ASTN1: variants seen among roughly 807,000 people sequenced by gnomAD.
ASTN1 encodes the protein astrotactin 1.
Under a neutral mutation model 140.7 loss-of-function variants are expected in ASTN1, and 41 were observed. The ratio of observed to expected loss-of-function variants is 0.29; its 90% CI spans 0.23 to 0.38. The LOEUF (loss-of-function observed/expected upper bound fraction) is 0.38. ASTN1 is among the 10% of genes least tolerant of loss of function. ASTN1 has a pLI of 1.00. For missense variants in ASTN1, 1,479 were observed against 1,678.8 expected (o/e 0.88, Z 2.08); for synonymous variants, 640 against 652.2 (o/e 0.98, Z 0.29).
At chr1:177,154,869 G>A (rs1444907724) in intron 1 of ASTN1, among the ~76,000 whole-genome samples, 3 of 151,988 alleles carry the variant, frequency 2.0e-5, no homozygotes. Context: ...ATCTCTGCAT[G>A]AGATTACAAA....
intron 1 of ASTN1, among the ~76,000 whole-genome samples, chr1:177,138,414 C>T (rs1037437939): frequency 3.4e-4 from 52 of 152,330 alleles, no homozygotes; most frequent in African/African-American, 1.1e-3. Flanking sequence ...TTAATTACAT[C>T]GGATACTTCC....
At chr1:176,951,693 GC>G (rs1250615190) in intron 11 of ASTN1, among the ~76,000 whole-genome samples, 1 of 152,144 alleles carries the variant, frequency 6.6e-6, no homozygotes, top group Non-Finnish European at 1.5e-5. Flanking sequence ...ATCTTGCCTG[GC>G]TTTAACGTCT....
At chr1:177,153,596 A>T (rs746248072) in intron 1 of ASTN1, among the ~76,000 whole-genome samples, 1 of 152,212 alleles carries the variant, frequency 6.6e-6, no homozygotes, top group African/African-American at 2.4e-5. Context: ...CAGGAAAAAA[A>T]TGATGAATAC....
intron 14 of ASTN1, among the ~76,000 whole-genome samples, chr1:176,936,799 T>C (rs1458834928): frequency 1.3e-5 from 2 of 152,202 alleles, no homozygotes; most frequent in Non-Finnish European, 2.9e-5. Context: ...ATTTTGTCTG[T>C]AAAGCGAGAG....
chr1:177,154,145 T>A (rs982236059), intron 1 of ASTN1, among the ~76,000 whole-genome samples: 4 of 151,946 alleles, frequency 2.6e-5, no homozygotes, highest in African/African-American at 9.7e-5. Context: ...ATAACTGGAG[T>A]ATTATTTGTA....
At chr1:176,949,164 C>G in intron 12 of ASTN1, 21 bp downstream of exon 12, 1 of 1,612,812 alleles carries the variant, frequency 6.2e-7, no homozygotes, top group Non-Finnish European at 8.5e-7. Context: ...GCCAGGTGGC[C>G]TCGCTGGCAG....
intron 1 of ASTN1, among the ~76,000 whole-genome samples, chr1:177,120,182 T>C (rs1356068593): frequency 6.6e-6 from 1 of 152,178 alleles, no homozygotes; most frequent in Non-Finnish European, 1.5e-5. Flanking sequence ...AGAAATAAGT[T>C]TGTTTGATTG....
At chr1:177,000,470 T>C (rs1461239575) in intron 8 of ASTN1, among the ~76,000 whole-genome samples, 1 of 152,108 alleles carries the variant, frequency 6.6e-6, no homozygotes, top group Admixed American at 6.6e-5. Flanking sequence ...CAAGCTCTAT[T>C]TAGAAGAGAA....
intron 12 of ASTN1, 135 bp from the exon 13 acceptor site, chr1:176,946,255 C>G: frequency 2.3e-6 from 2 of 885,628 alleles, no homozygotes; most frequent in Non-Finnish European, 3.2e-6. Context: ...AAGTTATATT[C>G]CAATTTGATT....
chr1:176,953,543 C>T (rs1672280561), intron 11 of ASTN1, among the ~76,000 whole-genome samples: 1 of 152,190 alleles, frequency 6.6e-6, no homozygotes, highest in Non-Finnish European at 1.5e-5. Flanking sequence ...ATTTATATTT[C>T]AGCAGTGATA....
chr1:176,962,635 G>A (rs970424605), intron 9 of ASTN1, among the ~76,000 whole-genome samples: 9 of 152,114 alleles, frequency 5.9e-5, no homozygotes, highest in African/African-American at 1.4e-4. Flanking sequence ...AAGTCATTGC[G>A]GATTGGTACA....
chr1:177,040,504 C>T (rs926679899), intron 2 of ASTN1, among the ~76,000 whole-genome samples: 3 of 152,290 alleles, frequency 2.0e-5, no homozygotes, highest in South Asian at 4.2e-4. Context: ...ATTCCCCCAA[C>T]TCTGTCTCAA....
Position 177,014,851 on chromosome 1 carries a change from T to A in ASTN1, c.1463A>T (p.Tyr488Phe). Residue 488 changes from tyrosine (Y) to phenylalanine (F), a missense_variant, in exon 8 of 23, where the codon TAC (tyrosine) becomes TTC (phenylalanine). This residue lies in a region of ASTN1 where 729 missense variants were observed against 860.4 expected (regional missense o/e 0.85). Coordinates refer to ENST00000361833, the MANE Select transcript of ASTN1 (RefSeq NM_004319.3). ...ETGECLCYEG[Y>F]MKDPVHKHLC... ...GTGCTTATGTACTGGATCCTTCATG[T>A]AGCCTTCATAGCAGAGGCATTCCCC... is the stretch of plus-strand genomic sequence containing the variant. The A allele has an allele frequency of 1.9e-6, 3 of 1,613,744 alleles. No individual in the cohort carries two copies. The highest frequency in any genetic ancestry group is 1.3e-5 in the African/African-American group (1 of 75,028).
At chr1:177,062,893 C>G (rs777791697) in intron 1 of ASTN1, among the ~76,000 whole-genome samples, 1 of 152,090 alleles carries the variant, frequency 6.6e-6, no homozygotes, top group East Asian at 1.9e-4. Flanking sequence ...AGCAACCCAC[C>G]ATGAGTGAAT....
chr1:177,164,570 T>C lies in ASTN1; in HGVS notation c.107A>G (p.Lys36Arg). The change falls in exon 1 of 23, where the codon AAG becomes AGG. Residue 36 changes from lysine to arginine, a missense_variant. By Grantham distance (26) the Lys-to-Arg change is conservative. Coordinates refer to ENST00000361833, the MANE Select transcript of ASTN1 (RefSeq NM_004319.3). ...DVDPSKELEC[K>R]LKSITVSALP... is the part of the protein sequence containing the mutation. ...TGCCGACACCGTGATGCTTTTGAGCTTGCACTCCAGCTCCTTGGATGGATC... is the reference window on the plus strand; with the variant it reads ...TGCCGACACCGTGATGCTTTTGAGCCTGCACTCCAGCTCCTTGGATGGATC... 6.2e-7 allele frequency: 1 copy of C among 1,613,810 alleles called. No individual in the cohort carries two copies. The highest frequency in any genetic ancestry group is 1.3e-5 in the African/African-American group (1 of 74,974).
chr1:176,874,965 A>G (rs1668502046), intron 21 of ASTN1, among the ~76,000 whole-genome samples: 1 of 152,226 alleles, frequency 6.6e-6, no homozygotes, highest in South Asian at 2.1e-4. Context: ...GTGACCTAAC[A>G]GTGGACAAAA....
intron 7 of ASTN1, among the ~76,000 whole-genome samples, chr1:177,018,316 G>A (rs530935133): frequency 6.6e-6 from 1 of 152,306 alleles, no homozygotes; most frequent in African/African-American, 2.4e-5. Context: ...GAGCTACCCT[G>A]CCAAATTAGG....
chr1:176,943,859 C>T (rs1275819658), intron 14 of ASTN1, 32 bp downstream of exon 14: 7 of 1,547,182 alleles, frequency 4.5e-6, no homozygotes, highest in East Asian at 2.3e-5. Context: ...CCTGTTTGTG[C>T]CAGTTGAATA....
chr1:176,922,365 T>C (rs1670764347), intron 16 of ASTN1, among the ~76,000 whole-genome samples: 1 of 151,902 alleles, frequency 6.6e-6, no homozygotes, highest in Admixed American at 6.6e-5. Context: ...GCACTTTTAT[T>C]TTTCCCACCT....
Sources: gnomAD v4.1 joint callset for allele counts (sites outside exome capture counted in the v4.1 genomes callset) on GRCh38, gnomAD v4.1.1 for gene constraint, gnomAD v4.1.1 regional missense constraint, MANE v1.5 for transcripts, NCBI Gene and HGNC (gene_info 2026-07-23, HGNC 2026-07-21) for gene names.